Variants in SYNE3 observed in about 807,000 individuals in gnomAD.
The protein encoded by SYNE3 is spectrin repeat containing nuclear envelope family member 3.
In SYNE3, 100 loss-of-function variants were observed where a neutral mutation model predicts 111.2. The observed-to-expected ratio is 0.90, with a 90% CI of 0.77 to 1.06. The LOEUF (loss-of-function observed/expected upper bound fraction) is 1.06. Among genes scored for constraint, SYNE3 ranks in the 50% least tolerant of loss-of-function variants. The probability of loss-of-function intolerance (pLI) is 0.00; values close to 1 mark genes in which losing one functional copy is unlikely to be tolerated. For synonymous variants in SYNE3, 547 were observed against 533.9 expected, an observed-to-expected ratio of 1.02 and a Z score of -0.34; for missense variants, 1,160 against 1,240.3, an observed-to-expected ratio of 0.94 and a Z score of 0.97.
chr14:95,496,816 G>A (rs1890111202), intron 1 of SYNE3, among the ~76,000 whole-genome samples: 1 of 152,200 alleles, frequency 6.6e-6, no homozygotes, highest in South Asian at 2.1e-4. Flanking sequence ...TATTTGCAAA[G>A]TTATCATTTA....
intron 1 of SYNE3, among the ~76,000 whole-genome samples, chr14:95,490,242 G>C (rs1055613803): frequency 2.6e-5 from 4 of 152,214 alleles, no homozygotes; most frequent in Non-Finnish European, 5.9e-5. Context: ...CAAGCTAAAG[G>C]CTAATTATAC....
At chr14:95,516,045 G>C (rs1004275132) in intron 1 of SYNE3, 1 of 152,356 alleles carries the variant, frequency 6.6e-6, no homozygotes, top group Non-Finnish European at 1.5e-5. Context: ...ATGAGGCTCA[G>C]AGAGGTTGAG....
chr14:95,443,415 C>G lies in SYNE3; in HGVS notation c.1777-126G>C, dbSNP rs542796773. ...GTGAATTCCCCAAGGCGGTGGGGCT[C>G]TTTCATACCAGCGGAAGTACCAACC... On this transcript the variant is annotated intron_variant, in intron 10 of 17. Coordinates refer to ENST00000682763, the MANE Select transcript of SYNE3 (RefSeq NM_152592.6). 5 of 1,206,504 alleles carry G rather than the reference C, an allele frequency of 4.1e-6. No homozygotes were observed. The Admixed American group carries it at 8.2e-5, about 20-fold the overall frequency. The allele number at this position is 1,206,504 out of a possible 1,614,324, so 74.7% of individuals were successfully genotyped here.
Position 95,444,601 on chromosome 14 carries a change from CAA to C in SYNE3, c.1658_1659del (p.Phe553TrpfsTer5). The C allele has an allele frequency of 6.2e-7, 1 of 1,610,254 alleles. No individual in the cohort carries two copies. The highest frequency in any genetic ancestry group is 1.1e-5 in the South Asian group (1 of 90,800). ...LQSLLAQHKD[F>X]GAAFEPLQRK... is the part of the protein sequence containing the mutation. Reference sequence around the variant, plus strand: ...CTCTGCAGGGGCTCAAAAGCTGCTCCAAAGTCTTTGTGCTGAGCGAGCAGGCT... The same window carrying C: ...CTCTGCAGGGGCTCAAAAGCTGCTCCAGTCTTTGTGCTGAGCGAGCAGGCT... On this transcript the variant is annotated frameshift_variant, in exon 10 of 18. Coordinates refer to ENST00000682763, the MANE Select transcript of SYNE3 (RefSeq NM_152592.6). LOFTEE classifies it high-confidence loss of function.
intron 1 of SYNE3, among the ~76,000 whole-genome samples, chr14:95,480,749 C>T (rs1009798722): frequency 2.3e-4 from 34 of 150,614 alleles, no homozygotes; most frequent in Admixed American, 1.3e-3. Flanking sequence ...TACTGGAAAA[C>T]GTGATGCAAA....
chr14:95,515,727 G>A (rs1013482448), intron 1 of SYNE3, among the ~76,000 whole-genome samples: 1 of 152,216 alleles, frequency 6.6e-6, no homozygotes, highest in Non-Finnish European at 1.5e-5. Context: ...AGAGTTGAAA[G>A]GGGTGACCAG....
At chr14:95,482,160 G>A (rs190727788) in intron 1 of SYNE3, among the ~76,000 whole-genome samples, 48 of 152,312 alleles carry the variant, frequency 3.2e-4, no homozygotes, top group East Asian at 1.9e-4. Context: ...GGGGCCAGGC[G>A]TGGTGACTCA....
At chr14:95,459,474 A>G (rs575969423) in intron 4 of SYNE3, among the ~76,000 whole-genome samples, 1 of 152,266 alleles carries the variant, frequency 6.6e-6, no homozygotes, top group East Asian at 1.9e-4. Context: ...CTGAGGCTGA[A>G]GCTAGGAATG....
intron 15 of SYNE3, among the ~76,000 whole-genome samples, chr14:95,435,842 G>A (rs1886055605): frequency 6.6e-6 from 1 of 152,298 alleles, no homozygotes; most frequent in East Asian, 1.9e-4. Flanking sequence ...TTAGGGGGAG[G>A]ACAGGGTCAT....
At chr14:95,437,670 GTTTGTTT>G (rs774957648) in intron 14 of SYNE3, 2 of 152,000 alleles carry the variant, frequency 1.3e-5, no homozygotes, top group Admixed American at 6.6e-5. Flanking sequence ...TTTTTTGTTT[GTTTGTTT>G]TTTGTTTTTT....
chr14:95,505,394 C>T (rs1393370931), intron 1 of SYNE3, among the ~76,000 whole-genome samples: 7 of 152,230 alleles, frequency 4.6e-5, no homozygotes, highest in African/African-American at 1.7e-4. Flanking sequence ...CTCAAGCCTG[C>T]TTACCCCACT....
At chr14:95,502,649 C>T in intron 1 of SYNE3, among the ~76,000 whole-genome samples, 1 of 152,158 alleles carries the variant, frequency 6.6e-6, no homozygotes, top group East Asian at 1.9e-4. Flanking sequence ...TACGACACCA[C>T]CATCTCCATT....
intron 11 of SYNE3, among the ~76,000 whole-genome samples, chr14:95,441,484 G>A (rs1399966881): frequency 6.6e-6 from 1 of 152,212 alleles, no homozygotes; most frequent in East Asian, 1.9e-4. Flanking sequence ...AACAAGCACT[G>A]GGTACCAAAA....
In SYNE3 at chr14:95,417,325, C is replaced by T. The variant is rs1903612483; in HGVS notation, c.*501G>A. The T allele has an allele frequency of 5.6e-6, 1 of 178,912 alleles. No homozygotes were observed. Among genetic ancestry groups the T allele is most frequent in the African/African-American group, 2.3e-5 (1 of 42,734 alleles). 11.1% of individuals were successfully genotyped at this position (178,912 alleles called of 1,614,324 possible). A position where few individuals can be genotyped will look rare whatever the true frequency, so the allele number is the denominator to read the frequency against. ...CTCATTACGCATAAAGCAAGAGTCGCTGGGCACCAAGTGAGGGTCTATGGC... is the reference window on the plus strand; with the variant it reads ...CTCATTACGCATAAAGCAAGAGTCGTTGGGCACCAAGTGAGGGTCTATGGC... On this transcript the variant is annotated 3_prime_UTR_variant, in exon 18 of 18. Transcript: ENST00000682763.
chr14:95,430,249 G>T (rs985598747), intron 17 of SYNE3, among the ~76,000 whole-genome samples: 2 of 152,098 alleles, frequency 1.3e-5, no homozygotes, highest in African/African-American at 4.8e-5. Context: ...CATAGGTGGG[G>T]GCTTCCAACC....
At chr14:95,435,595 C>T (rs751457681) in intron 15 of SYNE3, among the ~76,000 whole-genome samples, 11 of 151,816 alleles carry the variant, frequency 7.2e-5, no homozygotes, top group Non-Finnish European at 1.0e-4. Context: ...ATACAAGTAA[C>T]AAGTTTGGGA....
rs1012650191 is a variant in SYNE3, at chr14:95,407,550, C to T, written c.*10276G>A. 6.6e-6 allele frequency: 1 copy of T among 152,116 alleles called. No individual in the cohort carries two copies. The highest frequency in any genetic ancestry group is 1.5e-5 in the Non-Finnish European group (1 of 68,040). The allele number at this position is 152,116 out of a possible 1,614,324, so 9.4% of individuals were successfully genotyped here. On this transcript the variant is annotated 3_prime_UTR_variant, in exon 18 of 18. Transcript: ENST00000682763. ...CATGTTCCGAGACAGTCGTTTGGCT[C>T]CAATACTGCTTGCCTTCCCAGAAAG...
rs141559950 is a variant in SYNE3 at position 95,409,997 on chromosome 14, G to T, written c.*7829C>A. 552 of 155,122 alleles carry T rather than the reference G, an allele frequency of 3.6e-3. 13 individuals carry two copies. In the East Asian group the frequency reaches 0.08, roughly 23 times the overall value. The allele number at this position is 155,122 out of a possible 1,614,324, so 9.6% of individuals were successfully genotyped here. A position where few individuals can be genotyped will look rare whatever the true frequency, so the allele number is the denominator to read the frequency against. ...AATGAAAGCAAATATGCATTGCCTG[G>T]GCTGAATCCAAACACAAAGAAAGTG... On this transcript the variant is annotated 3_prime_UTR_variant, in exon 18 of 18. Transcript: ENST00000682763.
At chr14:95,487,269 G>C (rs566526678) in intron 1 of SYNE3, among the ~76,000 whole-genome samples, 1 of 152,328 alleles carries the variant, frequency 6.6e-6, no homozygotes, top group South Asian at 2.1e-4. Context: ...CATTTGACAT[G>C]ATTTTCTTAT....
Sources: allele counts gnomAD v4.1 joint callset (sites outside exome capture counted in the v4.1 genomes callset), GRCh38; gene constraint gnomAD v4.1.1; transcripts MANE v1.5; gene names NCBI Gene and HGNC (gene_info 2026-07-23, HGNC 2026-07-21).